Variants in RBFOX1 observed in about 807,000 individuals in gnomAD.
RBFOX1 encodes the protein RNA binding protein fox-1 homolog 1.
Under a neutral mutation model 57.7 loss-of-function variants are expected in RBFOX1, and 8 were observed. That is an observed-to-expected ratio of 0.14 (90% CI 0.08 to 0.25). RBFOX1 has a LOEUF of 0.25. Among genes scored for constraint, RBFOX1 ranks in the 10% least tolerant of loss-of-function variants. The pLI, the probability that RBFOX1 is intolerant of heterozygous loss-of-function variation, is 1.00. For missense variants in RBFOX1, 611 were observed against 548.5 expected (o/e 1.11, Z -1.14); for synonymous variants, 326 against 222.4 (o/e 1.47, Z -4.15).
chr16:6,688,342 C>T (rs28418909), intron 3 of RBFOX1, among the ~76,000 whole-genome samples: 5,911 of 152,166 alleles, frequency 0.039, 362 homozygotes, highest in African/African-American at 0.13. Context: ...GAAACCACCC[C>T]CATGATTCAA....
At chr16:5,415,086 A>C (rs2067126822) in intron 1 of RBFOX1, among the ~76,000 whole-genome samples, 1 of 152,154 alleles carries the variant, frequency 6.6e-6, no homozygotes, top group Non-Finnish European at 1.5e-5. Context: ...CAGACATTTG[A>C]GATAATGTCT....
chr16:6,914,891 C>G (rs761739993), intron 3 of RBFOX1, among the ~76,000 whole-genome samples: 1 of 152,184 alleles, frequency 6.6e-6, no homozygotes, highest in African/African-American at 2.4e-5. Context: ...CTCTCAAAAA[C>G]AAAACACAGA....
At chr16:5,311,206 A>G (rs993420053) in intron 1 of RBFOX1, among the ~76,000 whole-genome samples, 18 of 152,120 alleles carry the variant, frequency 1.2e-4, no homozygotes, top group Admixed American at 3.3e-4. Context: ...ATTCCACGGT[A>G]TGTTTGTATG....
chr16:5,422,209 T>TA (rs2067351216), intron 1 of RBFOX1, among the ~76,000 whole-genome samples: 2 of 126,446 alleles, frequency 1.6e-5, no homozygotes, highest in South Asian at 2.7e-4. Flanking sequence ...AGGAGAAAGG[T>TA]GGAGGAGAGA....
At chr16:7,548,629 A>G (rs1388727952) in intron 5 of RBFOX1, among the ~76,000 whole-genome samples, 3 of 152,216 alleles carry the variant, frequency 2.0e-5, no homozygotes, top group African/African-American at 7.2e-5. Flanking sequence ...GCTCTGGGGC[A>G]GGAGCGGGGG....
intron 3 of RBFOX1, among the ~76,000 whole-genome samples, chr16:6,966,915 C>CCATCCATCCATG (rs2084365758): frequency 6.6e-6 from 1 of 151,062 alleles, no homozygotes; most frequent in African/African-American, 2.4e-5. Flanking sequence ...ATCCATCCAT[C>CCATCCATCCATG]CATCCATCCA....
intron 3 of RBFOX1, among the ~76,000 whole-genome samples, chr16:6,855,589 C>G (rs948929586): frequency 2.0e-5 from 3 of 148,428 alleles, no homozygotes; most frequent in East Asian, 4.0e-4. Flanking sequence ...AGAGGTGGAG[C>G]TTGCAGTGAG....
chr16:5,919,830 T>C (rs1226707145), intron 4 of RBFOX1, among the ~76,000 whole-genome samples: 1 of 152,246 alleles, frequency 6.6e-6, no homozygotes, highest in Non-Finnish European at 1.5e-5. Flanking sequence ...AGATTCACTT[T>C]GCTGGGTATT....
At chr16:7,494,778 T>A (rs996506124) in intron 4 of RBFOX1, among the ~76,000 whole-genome samples, 2 of 151,728 alleles carry the variant, frequency 1.3e-5, no homozygotes, top group Non-Finnish European at 2.9e-5. Context: ...TCAGCAGAAG[T>A]TTCTCCTTCC....
At chr16:7,453,347 T>C (rs2057777458) in intron 4 of RBFOX1, among the ~76,000 whole-genome samples, 1 of 151,902 alleles carries the variant, frequency 6.6e-6, no homozygotes, top group Non-Finnish European at 1.5e-5. Context: ...GAGATCATTG[T>C]CCTCATAGTT....
At chr16:5,658,710 A>G (rs2049536962) in intron 3 of RBFOX1, among the ~76,000 whole-genome samples, 1 of 149,430 alleles carries the variant, frequency 6.7e-6, no homozygotes, top group Non-Finnish European at 1.5e-5. Flanking sequence ...GCTGAGTAGT[A>G]TTCCATCATA....
chr16:6,005,331 T>C (rs1180951171), intron 4 of RBFOX1, among the ~76,000 whole-genome samples: 1 of 152,222 alleles, frequency 6.6e-6, no homozygotes, highest in Non-Finnish European at 1.5e-5. Flanking sequence ...ATCTGGACAC[T>C]CATTCCCTTA....
chr16:7,257,657 C>G (rs1019618064), intron 4 of RBFOX1, among the ~76,000 whole-genome samples: 4 of 152,216 alleles, frequency 2.6e-5, no homozygotes, highest in African/African-American at 7.2e-5. Context: ...CAACCCTCCT[C>G]TGTAGCCATC....
chr16:5,676,747 A>G (rs569321277), intron 3 of RBFOX1, among the ~76,000 whole-genome samples: 5 of 152,210 alleles, frequency 3.3e-5, no homozygotes, highest in Non-Finnish European at 7.4e-5. Context: ...CTGCAATTCC[A>G]CCTACTTAGG....
Position 7,226,192 on chromosome 16 carries a change from C to G in RBFOX1, c.27+174094C>G, listed in dbSNP as rs144538126. 6.0e-3 allele frequency among the ~76,000 whole-genome samples: 916 copies of G among 152,242 alleles called. 30 individuals are homozygous for G. Among genetic ancestry groups the G allele is most frequent in the Admixed American group, 0.046 (699 of 15,282 alleles). The stretch of plus-strand genomic sequence containing the variant: ...CATCCCAGGGATAACTCTCAGGTAC[C>G]CTGTGCACATCCCTGAGCCAGTTAC... On this transcript the variant is annotated intron_variant, in intron 4 of 15. Coordinates refer to ENST00000550418, the MANE Select transcript of RBFOX1 (RefSeq NM_018723.4).
At chr16:7,054,022 T>G (rs1272322503) in intron 4 of RBFOX1, among the ~76,000 whole-genome samples, 2 of 151,940 alleles carry the variant, frequency 1.3e-5, no homozygotes, top group Non-Finnish European at 2.9e-5. Context: ...GGGAGACCCC[T>G]AGTGTGATTA....
chr16:7,516,812 C>T (rs536411871), intron 4 of RBFOX1, among the ~76,000 whole-genome samples: 3 of 152,208 alleles, frequency 2.0e-5, no homozygotes, highest in South Asian at 2.1e-4. Flanking sequence ...GCACCAGCTC[C>T]GTGTGCTGCT....
chr16:5,472,612 G>A (rs539788372), intron 2 of RBFOX1, among the ~76,000 whole-genome samples: 3 of 152,146 alleles, frequency 2.0e-5, no homozygotes, highest in African/African-American at 7.2e-5. Context: ...ATTTCTTAGA[G>A]TGATTTCTGT....
intron 4 of RBFOX1, among the ~76,000 whole-genome samples, chr16:7,149,698 C>T (rs1601067953): frequency 6.6e-6 from 1 of 151,964 alleles, no homozygotes; most frequent in African/African-American, 2.4e-5. Flanking sequence ...AGGCATGAGC[C>T]ACCAGGCTTA....
Sources: allele counts gnomAD v4.1 joint callset (sites outside exome capture counted in the v4.1 genomes callset), GRCh38; gene constraint gnomAD v4.1.1; transcripts MANE v1.5; gene names NCBI Gene and HGNC (gene_info 2026-07-23, HGNC 2026-07-21).